PLEC: variants seen among roughly 807,000 people sequenced by gnomAD.
PLEC encodes plectin, also known as hemidesmosomal protein 1.
In PLEC, 216 loss-of-function variants were observed where a neutral mutation model predicts 392.8. The ratio of observed to expected loss-of-function variants is 0.55; its 90% CI spans 0.49 to 0.62. The LOEUF (loss-of-function observed/expected upper bound fraction) is 0.62, where lower values mean the gene tolerates loss of function less well. PLEC is among the 20% of genes least tolerant of loss of function. The pLI is 0.00. For synonymous variants in PLEC, 3,621 were observed against 2,980.6 expected, an observed-to-expected ratio of 1.21 and a Z score of -7.00; for missense variants, 6,863 against 6,563.4, an observed-to-expected ratio of 1.05 and a Z score of -1.58.
At position 143,969,778 on chromosome 8, in the gene PLEC, G is replaced by C. The variant is rs188137647; in HGVS notation, c.70+3625C>G. 6.7e-3 allele frequency among the ~76,000 whole-genome samples: 1,026 copies of C among 152,108 alleles called. 11 individuals carry two copies. Among genetic ancestry groups the C allele is most frequent in the Non-Finnish European group, 7.7e-3 (524 of 67,964 alleles). On this transcript the variant is annotated intron_variant, in intron 1 of 31. Coordinates refer to the PLEC transcript ENST00000356346. The surrounding 1 kb of genome is among the most constrained non-coding windows in gnomAD (Gnocchi z 5.1). ...GGGGATAGAGACTTTAGGTTGTCAT[G>C]TTAGGGATGGGAGTGGGGCTTAGGG...
Position 143,935,120 on chromosome 8 carries a change from G to A in PLEC, c.719-3C>T, listed in dbSNP as rs1554721937. ...GTCGGGCTGAGGGACATCCACGTCT[G>A]CAGGGAAGGGCAGCTCAGCGGTGGC... is the stretch of plus-strand genomic sequence containing the variant. On this transcript the variant is annotated splice_polypyrimidine_tract_variant and splice_region_variant and intron_variant, in intron 7 of 31. Coordinates refer to ENST00000345136, the MANE Select transcript of PLEC (RefSeq NM_201384.3). The A allele has an allele frequency of 6.2e-7, 1 of 1,612,850 alleles. No homozygotes were observed. The highest frequency in any genetic ancestry group is 1.7e-5 in the Admixed American group (1 of 60,030).
chr8:143,966,731 T>G (rs1405264597), intron 1 of PLEC, among the ~76,000 whole-genome samples: 7 of 151,692 alleles, frequency 4.6e-5, no homozygotes, highest in Admixed American at 4.6e-4. Context: ...AGGGCTCGGC[T>G]CGGGGGCACA....
rs781972679 is a variant in PLEC at position 143,917,899 on chromosome 8, A to G, written c.11922T>C (p.Gly3974=). ...GTCCCTTGATGGGGTCGATGACGTAACCGGTGGCCGCCTGCGCCTCCAGGA... is the reference window on the plus strand; with the variant it reads ...GTCCCTTGATGGGGTCGATGACGTAGCCGGTGGCCGCCTGCGCCTCCAGGA... ...FELLEAQAAT[G]YVIDPIKGLK... is the part of the protein sequence containing the mutation. Residue 3974 remains glycine, a synonymous_variant, in exon 32 of 32, where the codon GGT becomes GGC. Coordinates refer to ENST00000345136, the MANE Select transcript of PLEC (RefSeq NM_201384.3). The G allele has an allele frequency of 5.6e-6, 9 of 1,612,882 alleles. No homozygotes were observed. The highest frequency in any genetic ancestry group is 3.3e-4 in the Middle Eastern group (2 of 6,062).
upstream of PLEC, chr8:143,943,908 G>A (rs782801358): frequency 3.2e-5 from 52 of 1,608,228 alleles, no homozygotes; most frequent in Admixed American, 1.0e-4. Flanking sequence ...ACGCGGAGCC[G>A]CCAGGGCTGC....
rs1826090431 is a variant in PLEC at position 143,928,706 on chromosome 8, A to G, written c.3260+397T>C. ...GTTTGCAACACAGGAAGAGACTATG[A>G]CATAACACATTGGAAATAAATGCCA... is the stretch of plus-strand genomic sequence containing the variant. On this transcript the variant is annotated intron_variant, in intron 25 of 31. Coordinates refer to ENST00000345136, the MANE Select transcript of PLEC (RefSeq NM_201384.3). 2.0e-5 allele frequency among the ~76,000 whole-genome samples: 3 copies of G among 152,188 alleles called. No individual in the cohort carries two copies. The South Asian group carries it at 6.2e-4, about 31-fold the overall frequency.
In PLEC at chr8:143,932,438, G is replaced by A. The variant is rs201238023; in HGVS notation, c.1939C>T (p.Arg647Cys). 1.2e-4 allele frequency: 199 copies of A among 1,612,816 alleles called. No homozygotes were observed. Among genetic ancestry groups the A allele is most frequent in the Middle Eastern group, 1.6e-4 (1 of 6,062 alleles). The change falls in exon 16 of 32, where the codon CGC becomes TGC. Residue 647 changes from arginine (R) to cysteine (C), a missense_variant. Coordinates refer to ENST00000345136, the MANE Select transcript of PLEC (RefSeq NM_201384.3). ...EEEVGFDWSD[R>C]NTNMTAKKES... is the part of the protein sequence containing the mutation. ...TTCTTGGCGGTCATGTTGGTGTTGC[G>A]GTCGCTCCAGTCGAAGCCCACCTCC...
intron 1 of PLEC, chr8:143,944,700 C>T (rs369285636): frequency 7.6e-6 from 10 of 1,312,380 alleles, no homozygotes; most frequent in African/African-American, 4.5e-5. Context: ...GCAGACGGAG[C>T]GGGCCAGGGG....
rs1433011318 is a variant in PLEC, at chr8:143,970,297, C to T, written c.70+3106G>A. On this transcript the variant is annotated intron_variant, in intron 1 of 31. Transcript: ENST00000356346. ...TGTTTACTGTCAAAAGTAAAACGCTCCAAAAAAAAAAAAAATCAAGCAGGG... is the reference window on the plus strand; with the variant it reads ...TGTTTACTGTCAAAAGTAAAACGCTTCAAAAAAAAAAAAAATCAAGCAGGG... Among the ~76,000 whole-genome samples, 3 of 145,578 alleles carry T rather than the reference C, an allele frequency of 2.1e-5. No individual in the cohort carries two copies. In the East Asian group the frequency reaches 5.9e-4, roughly 29 times the overall value.
chr8:143,949,754 G>A (rs1384876565), intron 1 of PLEC, among the ~76,000 whole-genome samples: 1 of 152,194 alleles, frequency 6.6e-6, no homozygotes, highest in African/African-American at 2.4e-5. Context: ...CCCGCGGCAA[G>A]GGAGGCGGCC....
chr8:143,950,499 AGTG>A, exon 1 of PLEC: 1 of 1,608,456 alleles, frequency 6.2e-7, no homozygotes, highest in Non-Finnish European at 8.5e-7. Context: ...TACCAGTAAA[AGTG>A]GCACCAGGCA....
chr8:143,973,543 C>A (rs1554745067), upstream of PLEC: 6 of 1,148,516 alleles, frequency 5.2e-6, no homozygotes, highest in Non-Finnish European at 5.4e-6. The surrounding 1 kb of genome is among the most constrained non-coding windows in gnomAD (Gnocchi z 5.6). Context: ...CCCGCGGCCG[C>A]GCGCGCCGCT....
upstream of PLEC, chr8:143,942,318 A>C: frequency 6.4e-7 from 1 of 1,566,920 alleles, no homozygotes; most frequent in South Asian, 1.1e-5. Context: ...GGCGGTTCCC[A>C]GCAGAGACCC....
upstream of PLEC, among the ~76,000 whole-genome samples, chr8:143,940,360 G>C (rs952360614): frequency 6.6e-6 from 1 of 152,176 alleles, no homozygotes; most frequent in Non-Finnish European, 1.5e-5. Context: ...GAGGGGCCTC[G>C]CCAGTGAGTC....
rs531928668 is a variant in PLEC at position 143,925,617 on chromosome 8, G to A, written c.4312C>T (p.Arg1438Trp). Reference sequence around the variant, plus strand: ...CTGCGCTCAGCCGCCTCTGCCTGCCGGGCCTTGGCCTGGATCTCCGCCTCC... The same window carrying A: ...CTGCGCTCAGCCGCCTCTGCCTGCCAGGCCTTGGCCTGGATCTCCGCCTCC... ...SSEAEIQAKA[R>W]QAEAAERSRL... Residue 1438 changes from arginine to tryptophan, a missense_variant, in exon 31 of 32, where the codon CGG becomes TGG. Transcript: ENST00000345136. 5.2e-5 allele frequency: 82 copies of A among 1,582,622 alleles called. No homozygotes were observed. In the East Asian group the frequency reaches 8.2e-4, roughly 16 times the overall value.
In PLEC at chr8:143,919,186, C is replaced by A; in HGVS notation, c.10635G>T (p.Gly3545=). Residue 3545 remains glycine, a synonymous_variant, in exon 32 of 32, where the codon GGG becomes GGT. Coordinates refer to ENST00000345136, the MANE Select transcript of PLEC (RefSeq NM_201384.3). ...TCTCCACCACCTCAGCCTTCTCCGC[C>A]CCTTTCAGTGGCAGAAGGCGCAAGC... ...ETGLRLLPLK[G]AEKAEVVETT... is the part of the protein sequence containing the mutation. 6.2e-7 allele frequency: 1 copy of A among 1,613,878 alleles called. No individual in the cohort carries two copies. Among genetic ancestry groups the A allele is most frequent in the Middle Eastern group, 1.6e-4 (1 of 6,062 alleles).
chr8:143,938,809 G>A, intron 1 of PLEC, 117 bp from the exon 2 acceptor site: 1 of 865,088 alleles, frequency 1.2e-6, no homozygotes. Flanking sequence ...GAGCCCCAAA[G>A]CCTCCCTCAG....
rs1586777085 is a variant in PLEC, at chr8:143,918,266, T to C, written c.11555A>G (p.Asp3852Gly). Reference protein sequence around the residue: ...EVRSYVDPSTDERLSYTQLLR... With the variant: ...EVRSYVDPSTGERLSYTQLLR... The stretch of plus-strand genomic sequence containing the variant: ...CAGCTGCGTGTAGCTGAGGCGCTCG[T>C]CGGTGGACGGGTCCACGTAGCTGCG... The change falls in exon 32 of 32, where the codon GAC becomes GGC. Residue 3852 changes from aspartate to glycine, a missense_variant. Physicochemically the swap from Asp to Gly is moderately conservative, Grantham distance 94. Transcript: ENST00000345136. The C allele has an allele frequency of 5.0e-6, 8 of 1,592,324 alleles. No homozygotes were observed. Among genetic ancestry groups the C allele is most frequent in the Non-Finnish European group, 6.8e-6 (8 of 1,176,682 alleles).
In PLEC at chr8:143,917,404, G is replaced by C. The variant is rs1554671984; in HGVS notation, c.12417C>G (p.Arg4139=). The change falls in exon 32 of 32, where the codon CGC becomes CGG. Residue 4139 remains arginine (R), a synonymous_variant. Coordinates refer to ENST00000345136, the MANE Select transcript of PLEC (RefSeq NM_201384.3). ...KTSSKSSVRK[R]RVVIVDPETG... Reference sequence around the variant, plus strand: ...TCTCGGGGTCCACGATGACCACTCGGCGCTTGCGCACGGAGGACTTGGAGG... The same window carrying C: ...TCTCGGGGTCCACGATGACCACTCGCCGCTTGCGCACGGAGGACTTGGAGG... 1.9e-6 allele frequency: 3 copies of C among 1,612,388 alleles called. No homozygotes were observed. Among genetic ancestry groups the C allele is most frequent in the Non-Finnish European group, 2.5e-6 (3 of 1,180,000 alleles).
chr8:143,967,763 G>C (rs1313947767), intron 1 of PLEC, among the ~76,000 whole-genome samples: 3 of 151,910 alleles, frequency 2.0e-5, no homozygotes, highest in African/African-American at 7.3e-5. Flanking sequence ...AACAATGCTT[G>C]TGAATAGGCA....
Sources: allele counts gnomAD v4.1 joint callset (sites outside exome capture counted in the v4.1 genomes callset), GRCh38; gene constraint gnomAD v4.1.1; non-coding constraint Gnocchi (gnomAD v3.1); transcripts MANE v1.5; gene names NCBI Gene and HGNC (gene_info 2026-07-23, HGNC 2026-07-21).